Variants in GALK2 observed in about 807,000 individuals in gnomAD.
The protein encoded by GALK2 is galactokinase 2, also known as N-acetylgalactosamine kinase.
In GALK2, 36 loss-of-function variants were observed where a neutral mutation model predicts 52.4. That is an observed-to-expected ratio of 0.69 (90% CI 0.53 to 0.91). The LOEUF (loss-of-function observed/expected upper bound fraction) is 0.91, where lower values mean the gene tolerates loss of function less well. Among genes scored for constraint, GALK2 ranks in the 40% least tolerant of loss-of-function variants. GALK2 has a pLI of 0.00. For synonymous variants in GALK2, 176 were observed against 199.1 expected (o/e 0.88, Z 0.98); for missense variants, 579 against 559.1 (o/e 1.04, Z -0.36).
chr15:49,234,297 T>C (rs1438253855), intron 3 of GALK2, among the ~76,000 whole-genome samples: 1 of 152,196 alleles, frequency 6.6e-6, no homozygotes, highest in African/African-American at 2.4e-5. Flanking sequence ...ATTCCATGGA[T>C]GTATGCTTAG....
At position 49,283,605 on chromosome 15, in the gene GALK2, G is replaced by A. The variant is rs373914978; in HGVS notation, c.643G>A (p.Val215Ile). The change falls in exon 7 of 10, where the codon GTA (valine) becomes ATA (isoleucine). Residue 215 changes from valine (V) to isoleucine (I), a missense_variant. By Grantham distance (29) the Val-to-Ile change is conservative. Transcript: ENST00000560031. Reference protein sequence around the residue: ...IEFSPLRATDVKLPSGAVFVI... With the variant: ...IEFSPLRATDIKLPSGAVFVI... ...ATTTAGTCCTCTGAGGGCAACCGAT[G>A]TAAAACTCCCAAGTGGAGCAGTGTT... is the stretch of plus-strand genomic sequence containing the variant. The A allele has an allele frequency of 6.2e-7, 1 of 1,613,944 alleles. No homozygotes were observed. The highest frequency in any genetic ancestry group is 1.1e-5 in the South Asian group (1 of 91,044).
intron 1 of GALK2, among the ~76,000 whole-genome samples, chr15:49,180,059 T>C (rs1277479499): frequency 6.6e-6 from 1 of 152,204 alleles, no homozygotes; most frequent in Admixed American, 6.5e-5. Context: ...AGCCTCTTGG[T>C]ACTGAAGCAG....
At chr15:49,355,096 C>T (rs1168621107) in intron 3 of GALK2, among the ~76,000 whole-genome samples, 1 of 150,780 alleles carries the variant, frequency 6.6e-6, no homozygotes, top group East Asian at 1.9e-4. Flanking sequence ...CTGTACATCA[C>T]CATCATCAAA....
At chr15:49,267,942 T>C (rs542153667) in intron 5 of GALK2, among the ~76,000 whole-genome samples, 9 of 152,338 alleles carry the variant, frequency 5.9e-5, no homozygotes, top group African/African-American at 2.2e-4. Context: ...GATATTTCAC[T>C]CTCCAAGATT....
chr15:49,160,108 T>C (rs1338926971), intron 1 of GALK2, among the ~76,000 whole-genome samples: 1 of 151,900 alleles, frequency 6.6e-6, no homozygotes, highest in Non-Finnish European at 1.5e-5. Flanking sequence ...ATCCTGTCTC[T>C]ACTAAAAATA....
At chr15:49,339,963 TCCC>T (rs1231378284) in intron 3 of GALK2, among the ~76,000 whole-genome samples, 7 of 151,966 alleles carry the variant, frequency 4.6e-5, no homozygotes, top group Non-Finnish European at 1.0e-4. Flanking sequence ...TGGACACCCC[TCCC>T]CCCACCAAGC....
chr15:49,241,450 C>T lies in GALK2; in HGVS notation c.504+2083C>T, dbSNP rs549129092. 8.4e-4 allele frequency among the ~76,000 whole-genome samples: 128 copies of T among 152,242 alleles called. 1 individual carries two copies. The highest frequency in any genetic ancestry group is 3.0e-3 in the African/African-American group (126 of 41,542). On this transcript the variant is annotated intron_variant, in intron 5 of 9. Transcript: ENST00000560031. ...GAGAAAAACCAGAAAGGTGAGGCAACAGCAAAGACAAGGAAGATAATGTTT... is the reference window on the plus strand; with the variant it reads ...GAGAAAAACCAGAAAGGTGAGGCAATAGCAAAGACAAGGAAGATAATGTTT...
At chr15:49,164,013 T>C (rs1409460470) in intron 1 of GALK2, among the ~76,000 whole-genome samples, 2 of 152,124 alleles carry the variant, frequency 1.3e-5, no homozygotes, top group African/African-American at 4.8e-5. Flanking sequence ...TTTGTATTAG[T>C]AAAGTTCTGG....
intron 1 of GALK2, among the ~76,000 whole-genome samples, chr15:49,183,471 T>C (rs1263866501): frequency 6.6e-6 from 1 of 152,240 alleles, no homozygotes; most frequent in Non-Finnish European, 1.5e-5. Context: ...GTTTCTAAAG[T>C]TCCTCTTATT....
At chr15:49,218,106 G>C (rs549913210) in intron 3 of GALK2, among the ~76,000 whole-genome samples, 70 of 152,164 alleles carry the variant, frequency 4.6e-4, no homozygotes, top group African/African-American at 1.6e-3. Flanking sequence ...TTATATGTTT[G>C]GCTTGTTCAT....
At chr15:49,363,929 A>G (rs972343150) in intron 3 of GALK2, among the ~76,000 whole-genome samples, 1 of 152,024 alleles carries the variant, frequency 6.6e-6, no homozygotes, top group African/African-American at 2.4e-5. Flanking sequence ...ATTGATTTGC[A>G]CATGTTGCAT....
chr15:49,354,205 C>T (rs568158495), intron 3 of GALK2, among the ~76,000 whole-genome samples: 3 of 152,310 alleles, frequency 2.0e-5, no homozygotes, highest in Non-Finnish European at 4.4e-5. Flanking sequence ...TTCCTGAACA[C>T]TATTTACATG....
chr15:49,156,069 GGTGTTCCTA>G, intron 1 of GALK2: 1 of 1,585,608 alleles, frequency 6.3e-7, no homozygotes, highest in African/African-American at 1.3e-5. Flanking sequence ...CATTGCGGTG[GGTGTTCCTA>G]AGATACTTGG....
At chr15:49,282,163 C>A in intron 6 of GALK2, 78 bp downstream of exon 6, 1 of 999,956 alleles carries the variant, frequency 1.0e-6, no homozygotes, top group Non-Finnish European at 1.6e-6. Context: ...CCCTGAGAGC[C>A]CCAGGATGCT....
At chr15:49,309,159 G>A (rs1268403779) in intron 8 of GALK2, among the ~76,000 whole-genome samples, 2 of 152,142 alleles carry the variant, frequency 1.3e-5, no homozygotes, top group Non-Finnish European at 2.9e-5. Flanking sequence ...CTGCTCTTGT[G>A]GAATGATTTT....
intron 3 of GALK2, chr15:49,235,496 G>A (rs1282522515): frequency 1.0e-5 from 4 of 389,086 alleles, no homozygotes; most frequent in Non-Finnish European, 2.0e-5. Flanking sequence ...GTTTCAGTTT[G>A]GGGGTGTGCC....
At chr15:49,291,948 T>C (rs2033977952) in intron 7 of GALK2, among the ~76,000 whole-genome samples, 1 of 152,136 alleles carries the variant, frequency 6.6e-6, no homozygotes, top group Admixed American at 6.6e-5. Context: ...AGTAGTTTTC[T>C]CTTGACTTCC....
intron 6 of GALK2, 88 bp from the exon 7 acceptor site, chr15:49,283,478 C>T: frequency 8.3e-7 from 1 of 1,208,838 alleles, no homozygotes; most frequent in South Asian, 1.5e-5. Flanking sequence ...GCATTTTTGA[C>T]AAAACACTTT....
At chr15:49,288,689 C>A (rs1490270218) in intron 7 of GALK2, among the ~76,000 whole-genome samples, 4 of 152,208 alleles carry the variant, frequency 2.6e-5, no homozygotes, top group African/African-American at 9.6e-5. Flanking sequence ...AGAGGACATA[C>A]ATACTGGGGA....
Sources: allele counts gnomAD v4.1 joint callset (sites outside exome capture counted in the v4.1 genomes callset), GRCh38; gene constraint gnomAD v4.1.1; transcripts MANE v1.5; gene names NCBI Gene and HGNC (gene_info 2026-07-23, HGNC 2026-07-21).